ANKRD30B: variants seen among roughly 807,000 people sequenced by gnomAD.
ANKRD30B encodes the protein ankyrin repeat domain-containing protein 30B.
Under a neutral mutation model 202.2 loss-of-function variants are expected in ANKRD30B, and 144 were observed. That is an observed-to-expected ratio of 0.71 (90% CI 0.62 to 0.82). The LOEUF is 0.82. ANKRD30B is among the 40% of genes least tolerant of loss of function. The probability of loss-of-function intolerance (pLI) is 0.00; values close to 1 mark genes in which losing one functional copy is unlikely to be tolerated. For missense variants in ANKRD30B, 1,487 were observed against 1,669.1 expected, an observed-to-expected ratio of 0.89 and a Z score of 1.90; for synonymous variants, 508 against 561.3, an observed-to-expected ratio of 0.91 and a Z score of 1.34.
At chr18:14,774,719 A>C (rs1183498580) in intron 9 of ANKRD30B, among the ~76,000 whole-genome samples, 1 of 152,198 alleles carries the variant, frequency 6.6e-6, no homozygotes, top group Non-Finnish European at 1.5e-5. Flanking sequence ...TAAATTAGGA[A>C]GAGATATTGC....
intron 7 of ANKRD30B, among the ~76,000 whole-genome samples, chr18:14,765,669 C>A (rs62086408): frequency 0.13 from 20,463 of 151,992 alleles, 1,607 homozygotes; most frequent in South Asian, 0.25. Context: ...TGGCCCTTCA[C>A]ATAGAAGATA....
At chr18:14,862,670 A>G in the ANKRD30B span, among the ~76,000 whole-genome samples, 1 of 152,154 alleles carries the variant, frequency 6.6e-6, no homozygotes, top group African/African-American at 2.4e-5. Context: ...TGGGGCCGCC[A>G]CCTCGAGATC....
intron 3 of ANKRD30B, among the ~76,000 whole-genome samples, chr18:14,753,770 G>C (rs1913865460): frequency 6.6e-6 from 1 of 152,026 alleles, no homozygotes; most frequent in South Asian, 2.1e-4. Context: ...GGTTGTATTT[G>C]AATAGGTTAT....
the ANKRD30B span, chr18:14,909,782 T>C: frequency 6.6e-6 from 1 of 152,198 alleles, no homozygotes; most frequent in African/African-American, 2.4e-5. Context: ...TTATTCAAAG[T>C]TGTATTTCTA....
At chr18:14,921,721 T>C in the ANKRD30B span, among the ~76,000 whole-genome samples, 18 of 152,304 alleles carry the variant, frequency 1.2e-4, no homozygotes, top group Admixed American at 8.5e-4. Context: ...CTGTTTATAA[T>C]GCAAACAGAG....
chr18:14,916,976 C>G, the ANKRD30B span, among the ~76,000 whole-genome samples: 1 of 152,292 alleles, frequency 6.6e-6, no homozygotes, highest in South Asian at 2.1e-4. Context: ...GTCTCTAAAT[C>G]CAGAAATTCA....
At chr18:14,753,367 T>C (rs1913780840) in intron 3 of ANKRD30B, among the ~76,000 whole-genome samples, 1 of 152,144 alleles carries the variant, frequency 6.6e-6, no homozygotes, top group Admixed American at 6.6e-5. Flanking sequence ...CGTGCAGAAA[T>C]CTGGATTTCC....
In ANKRD30B at chr18:14,772,210, C is replaced by T; in HGVS notation, c.1311C>T (p.Asp437=). Residue 437 remains aspartate, a synonymous_variant, in exon 9 of 44, where the codon GAC becomes GAT. Coordinates refer to ENST00000690538, the MANE Select transcript of ANKRD30B (RefSeq NM_001367607.2). ...ENSQCTKVEE[D]FNLATKIISK... ...CACAGTGTACAAAAGTTGAGGAAGA[C>T]TTTAATCTTGCTACCAAGGTAAAAT... 2 of 1,504,388 alleles carry T rather than the reference C, an allele frequency of 1.3e-6. No homozygotes were observed. Among genetic ancestry groups the T allele is most frequent in the Non-Finnish European group, 1.8e-6 (2 of 1,120,108 alleles). 93.2% of individuals were successfully genotyped at this position (1,504,388 alleles called of 1,614,324 possible). A position where few individuals can be genotyped will look rare whatever the true frequency, so the allele number is the denominator to read the frequency against.
At chr18:14,792,458 G>A (rs968474246) in intron 16 of ANKRD30B, among the ~76,000 whole-genome samples, 3 of 152,028 alleles carry the variant, frequency 2.0e-5, no homozygotes, top group African/African-American at 7.2e-5. Context: ...GTGTTGAATG[G>A]GAAGAAACAA....
chr18:14,771,077 GT>G (rs1966973796), intron 8 of ANKRD30B, among the ~76,000 whole-genome samples: 1 of 152,146 alleles, frequency 6.6e-6, no homozygotes, highest in Admixed American at 6.6e-5. Context: ...GTTCAGTTGG[GT>G]TTTTGGTAAC....
chr18:14,893,661 AAGCCACG>A, the ANKRD30B span, among the ~76,000 whole-genome samples: 239 of 152,290 alleles, frequency 1.6e-3, 3 homozygotes, highest in Admixed American at 0.014. Context: ...TCCAAATCAG[AAGCCACG>A]AAGTTGCTCA....
intron 4 of ANKRD30B, among the ~76,000 whole-genome samples, chr18:14,755,370 TCTC>T (rs528605869): frequency 1.7e-3 from 254 of 150,766 alleles, no homozygotes; most frequent in African/African-American, 5.9e-3. Context: ...TTTTCTAACT[TCTC>T]TTTTTTATAC....
At chr18:14,817,484 C>A (rs1194610066) in intron 30 of ANKRD30B, among the ~76,000 whole-genome samples, 19 of 152,302 alleles carry the variant, frequency 1.2e-4, no homozygotes, top group Admixed American at 3.3e-4. Context: ...TTCAACCATA[C>A]ATAGGATTCC....
intron 4 of ANKRD30B, among the ~76,000 whole-genome samples, chr18:14,757,141 A>C (rs1487137361): frequency 1.3e-5 from 2 of 152,090 alleles, no homozygotes; most frequent in Admixed American, 1.3e-4. Context: ...TTTGATTAAT[A>C]TTTTAGTTAA....
Position 14,852,389 on chromosome 18 carries a change from A to G in ANKRD30B, c.4445A>G (p.Asp1482Gly). Reference sequence around the variant, plus strand: ...GGTAACCATTTAAAAGAACGTATAGATCAATATGAAAAAGAGAAAGCAGAA... The same window carrying G: ...GGTAACCATTTAAAAGAACGTATAGGTCAATATGAAAAAGAGAAAGCAGAA... The part of the protein sequence containing the change: ...NYGNHLKERI[D>G]QYEKEKAERE... The change falls in exon 42 of 44, where the codon GAT becomes GGT. Residue 1482 changes from aspartate to glycine, a missense_variant. By Grantham distance (94) the Asp-to-Gly change is moderately conservative. Transcript: ENST00000690538. 6.5e-7 allele frequency: 1 copy of G among 1,527,098 alleles called. No homozygotes were observed. Among genetic ancestry groups the G allele is most frequent in the Non-Finnish European group, 8.8e-7 (1 of 1,141,094 alleles). The allele number at this position is 1,527,098 out of a possible 1,614,324, so 94.6% of individuals were successfully genotyped here. A position where few individuals can be genotyped will look rare whatever the true frequency, so the allele number is the denominator to read the frequency against.
intron 32 of ANKRD30B, among the ~76,000 whole-genome samples, chr18:14,823,535 A>G (rs1207955490): frequency 6.6e-6 from 1 of 151,874 alleles, no homozygotes; most frequent in Non-Finnish European, 1.5e-5. Context: ...TCATTACTTG[A>G]TGACTCTTTG....
intron 6 of ANKRD30B, among the ~76,000 whole-genome samples, chr18:14,762,948 T>TTCCTTAAAAA (rs1473987471): frequency 6.6e-6 from 1 of 152,158 alleles, no homozygotes; most frequent in Non-Finnish European, 1.5e-5. Context: ...TCCAACAGAA[T>TTCCTTAAAAA]TTCCTTAAAA....
chr18:14,842,793 T>A, intron 37 of ANKRD30B, 104 bp from the exon 38 acceptor site: 1 of 1,139,296 alleles, frequency 8.8e-7, no homozygotes, highest in Non-Finnish European at 1.2e-6. Context: ...AAGGAATCAT[T>A]CTCAAAGCTG....
At chr18:14,816,449 T>A (rs1324830226) in intron 30 of ANKRD30B, 1 of 151,924 alleles carries the variant, frequency 6.6e-6, no homozygotes, top group African/African-American at 2.4e-5. Context: ...ATCGAGACCA[T>A]CCTGGCTAAC....
Sources: gnomAD v4.1 joint callset for allele counts (sites outside exome capture counted in the v4.1 genomes callset) on GRCh38, gnomAD v4.1.1 for gene constraint, MANE v1.5 for transcripts, NCBI Gene and HGNC (gene_info 2026-07-23, HGNC 2026-07-21) for gene names.